IKBKB: variants seen among roughly 807,000 people sequenced by gnomAD.
IKBKB encodes the protein inhibitor of nuclear factor kappa-B kinase subunit beta.
Under a neutral mutation model 113.6 loss-of-function variants are expected in IKBKB, and 42 were observed. The observed-to-expected ratio is 0.37, with a 90% CI of 0.29 to 0.48. IKBKB has a LOEUF of 0.48. IKBKB is among the 20% of genes least tolerant of loss of function. The pLI is 0.99. For missense variants in IKBKB, 673 were observed against 939.7 expected, an observed-to-expected ratio of 0.72 and a Z score of 3.71; for synonymous variants, 296 against 361.3, an observed-to-expected ratio of 0.82 and a Z score of 2.05.
At chr8:42,285,862 G>C (rs2130243958) in intron 2 of IKBKB, among the ~76,000 whole-genome samples, 1 of 152,306 alleles carries the variant, frequency 6.6e-6, no homozygotes, top group South Asian at 2.1e-4. Context: ...TCCAGGACAG[G>C]CTAATCCGTA....
intron 5 of IKBKB, among the ~76,000 whole-genome samples, chr8:42,296,245 C>T (rs1227350912): frequency 6.6e-6 from 1 of 152,194 alleles, no homozygotes; most frequent in African/African-American, 2.4e-5. Context: ...GCCTGTAATC[C>T]CAGCACTTTG....
intron 7 of IKBKB, among the ~76,000 whole-genome samples, chr8:42,307,713 T>A (rs1816814782): frequency 2.6e-5 from 4 of 152,140 alleles, no homozygotes; most frequent in Admixed American, 1.3e-4. Context: ...GGAGTCCTCC[T>A]CAGCTCAGCA....
chr8:42,272,799 C>G (rs1331140916), intron 2 of IKBKB, among the ~76,000 whole-genome samples: 2 of 151,910 alleles, frequency 1.3e-5, no homozygotes, highest in Admixed American at 6.6e-5. Flanking sequence ...ATTAGCCAGG[C>G]TTGGTGGCAC....
chr8:42,290,226 C>T lies in IKBKB; in HGVS notation c.271C>T (p.Leu91=). ...GATGCAGAACTTGGCGCCCAATGACCTGCCCCTGCTGGCCATGGAGTACTG... is the reference window on the plus strand; with the variant it reads ...GATGCAGAACTTGGCGCCCAATGACTTGCCCCTGCTGGCCATGGAGTACTG... ...EGMQNLAPND[L]PLLAMEYCQG... is the part of the protein sequence containing the mutation. The change falls in exon 4 of 22, where the codon CTG becomes TTG. Residue 91 remains leucine, a synonymous_variant. Coordinates refer to ENST00000520810, the MANE Select transcript of IKBKB (RefSeq NM_001556.3). 1 of 1,613,762 alleles carries T rather than the reference C, an allele frequency of 6.2e-7. No individual in the cohort carries two copies. The highest frequency in any genetic ancestry group is 1.1e-5 in the South Asian group (1 of 90,936).
intron 2 of IKBKB, among the ~76,000 whole-genome samples, chr8:42,275,927 C>T (rs776728593): frequency 1.8e-4 from 27 of 152,052 alleles, no homozygotes; most frequent in Non-Finnish European, 2.1e-4. Context: ...CTGCAACCTC[C>T]GCCTCCCGGG....
chr8:42,297,667 GA>G (rs1455009719), intron 5 of IKBKB, among the ~76,000 whole-genome samples: 1 of 152,210 alleles, frequency 6.6e-6, no homozygotes, highest in Non-Finnish European at 1.5e-5. Context: ...GGCTGAGGCA[GA>G]TGGATCACCT....
Position 42,331,127 on chromosome 8 carries a change from G to A in IKBKB, c.*148G>A. On this transcript the variant is annotated 3_prime_UTR_variant, in exon 22 of 22. Coordinates refer to ENST00000520810, the MANE Select transcript of IKBKB (RefSeq NM_001556.3). ...CGGCTCTCACATGGTGGTTCCTGCT[G>A]CACTGATGGCCCAGGGGTCTCTGGT... The A allele has an allele frequency of 1.7e-6, 2 of 1,171,890 alleles. No homozygotes were observed. The highest frequency in any genetic ancestry group is 2.5e-6 in the Non-Finnish European group (2 of 816,278). The allele number at this position is 1,171,890 out of a possible 1,614,324, so 72.6% of individuals were successfully genotyped here. A position where few individuals can be genotyped will look rare whatever the true frequency, so the allele number is the denominator to read the frequency against.
intron 14 of IKBKB, 36 bp from the exon 15 acceptor site, chr8:42,319,544 ATTTTG>A (rs777430301): frequency 3.8e-6 from 6 of 1,577,352 alleles, no homozygotes; most frequent in South Asian, 2.4e-5. Flanking sequence ...TGGTGTTTTT[ATTTTG>A]TTTTGTTTTG....
intron 16 of IKBKB, 186 bp from the exon 17 acceptor site, chr8:42,321,710 G>T (rs539030023): frequency 1.8e-6 from 1 of 544,958 alleles, no homozygotes; most frequent in African/African-American, 1.9e-5. Flanking sequence ...AATGTTTTTG[G>T]CTGGGCACAG....
intron 15 of IKBKB, 191 bp from the exon 16 acceptor site, chr8:42,320,544 A>T (rs1370100211): frequency 1.1e-5 from 6 of 527,704 alleles, no homozygotes; most frequent in African/African-American, 4.0e-5. Context: ...CCAAGGGGTC[A>T]CACAGCTAGA....
At chr8:42,314,458 A>G (rs373400751) in intron 9 of IKBKB, 29 bp downstream of exon 9, 1 of 1,370,950 alleles carries the variant, frequency 7.3e-7, no homozygotes, top group African/African-American at 1.4e-5. Context: ...ACACGAATAC[A>G]TATCTTTCTT....
At chr8:42,298,835 C>T (rs1360446879) in intron 5 of IKBKB, among the ~76,000 whole-genome samples, 6 of 152,124 alleles carry the variant, frequency 3.9e-5, no homozygotes, top group East Asian at 1.9e-4. Context: ...ATGGTGGCCC[C>T]GGGACATCTC....
intron 21 of IKBKB, 27 bp from the exon 22 acceptor site, chr8:42,330,887 T>C: frequency 1.2e-6 from 2 of 1,614,172 alleles, no homozygotes; most frequent in Non-Finnish European, 1.7e-6. Flanking sequence ...TGGCTGTTGT[T>C]TTTTTAACAT....
intron 4 of IKBKB, 132 bp from the exon 5 acceptor site, chr8:42,293,311 C>T (rs769155629): frequency 1.1e-5 from 12 of 1,096,306 alleles, no homozygotes; most frequent in Non-Finnish European, 1.6e-5. Flanking sequence ...CCCTGGCTTC[C>T]TCAAAAGCAG....
rs1035778456 is a variant in IKBKB, at chr8:42,316,032, G to A, written c.801-178G>A. Among the ~76,000 whole-genome samples the A allele has an allele frequency of 1.7e-4, 26 of 152,200 alleles. No individual in the cohort carries two copies. The highest frequency in any genetic ancestry group is 6.3e-4 in the African/African-American group (26 of 41,438). On this transcript the variant is annotated intron_variant, in intron 9 of 21. Coordinates refer to ENST00000520810, the MANE Select transcript of IKBKB (RefSeq NM_001556.3). The surrounding 1 kb of genome is among the most constrained non-coding windows in gnomAD (Gnocchi z 4.5). ...TGATTTGGGGGTATTTTAGAATTCAGGAGAGAGGTGTGAACACCTGAATAA... is the reference window on the plus strand; with the variant it reads ...TGATTTGGGGGTATTTTAGAATTCAAGAGAGAGGTGTGAACACCTGAATAA...
intron 5 of IKBKB, among the ~76,000 whole-genome samples, chr8:42,297,142 A>G (rs1324715018): frequency 6.6e-6 from 1 of 152,216 alleles, no homozygotes; most frequent in Non-Finnish European, 1.5e-5. Context: ...TTTTGGGTGC[A>G]GTGCAGCCCC....
chr8:42,295,647 C>T (rs1455375395), intron 5 of IKBKB, among the ~76,000 whole-genome samples: 1 of 152,088 alleles, frequency 6.6e-6, no homozygotes, highest in Admixed American at 6.5e-5. Flanking sequence ...CTGCTTGAAC[C>T]CAGGAGGCGG....
chr8:42,289,264 G>A (rs1339773671), intron 3 of IKBKB, among the ~76,000 whole-genome samples: 2 of 152,214 alleles, frequency 1.3e-5, no homozygotes, highest in Non-Finnish European at 2.9e-5. Flanking sequence ...CAGGGCGCCA[G>A]CCTGGCAGTC....
chr8:42,294,313 A>G (rs911432058), intron 5 of IKBKB, among the ~76,000 whole-genome samples: 3 of 152,352 alleles, frequency 2.0e-5, no homozygotes, highest in African/African-American at 7.2e-5. Flanking sequence ...AAAGCTGTAT[A>G]CATTTTTTCT....
Sources: allele counts gnomAD v4.1 joint callset (sites outside exome capture counted in the v4.1 genomes callset), GRCh38; gene constraint gnomAD v4.1.1; non-coding constraint Gnocchi (gnomAD v3.1); transcripts MANE v1.5; gene names NCBI Gene and HGNC (gene_info 2026-07-23, HGNC 2026-07-21).